CUL4B: variants seen among roughly 807,000 people sequenced by gnomAD.
The protein encoded by CUL4B is cullin 4B, also known as cullin-4B.
Under a neutral mutation model 69.2 loss-of-function variants are expected in CUL4B, and 1 was observed. The observed-to-expected ratio is 0.01, with a 90% CI of 0.01 to 0.07. The LOEUF is 0.07. Among genes scored for constraint, CUL4B ranks in the 10% least tolerant of loss-of-function variants. CUL4B has a pLI of 1.00. For missense variants in CUL4B, 328 were observed against 638.8 expected (o/e 0.51, Z 5.24); for synonymous variants, 237 against 223.2 (o/e 1.06, Z -0.55).
At chrX:120,572,685 T>C (rs1222080836) in intron 2 of CUL4B, among the ~76,000 whole-genome samples, 1 of 111,042 alleles carries the variant, frequency 9.0e-6, no homozygotes, top group Non-Finnish European at 1.9e-5. Flanking sequence ...AGTATAAATT[T>C]TTCTGTGACT....
At chrX:120,563,438 T>C (rs1457107227), upstream of CUL4B, among the ~76,000 whole-genome samples, 3 of 111,255 alleles carry the variant, frequency 2.7e-5, no homozygotes, top group Non-Finnish European at 5.7e-5. Context: ...GGTTTTGCTA[T>C]GTTGGCCAGG....
rs113321588 is a variant in CUL4B, at chrX:120,536,776, CA to C, written c.2046+150del. 226 of 459,029 alleles carry C rather than the reference CA, an allele frequency of 4.9e-4. 1 individual carries two copies. In the African/African-American group the frequency reaches 5.0e-3, roughly 10 times the overall value. The allele number at this position is 459,029 out of a possible 1,213,427, so 37.8% of individuals were successfully genotyped here. Reference sequence around the variant, plus strand: ...TTCGGAAGGCTGAGGCGGGGGGGATCACTTGAGCCCAAGAGTTCAAGACCAG... The same window carrying C: ...TTCGGAAGGCTGAGGCGGGGGGGATCCTTGAGCCCAAGAGTTCAAGACCAG... On this transcript the variant is annotated intron_variant, in intron 15 of 19. Coordinates refer to ENST00000371322, the MANE Select transcript of CUL4B (RefSeq NM_001079872.2).
intron 2 of CUL4B, among the ~76,000 whole-genome samples, chrX:120,557,142 C>A (rs563610680): frequency 9.0e-6 from 1 of 110,981 alleles, no homozygotes; most frequent in African/African-American, 3.3e-5. Flanking sequence ...AACTCCTGAC[C>A]TCAGGTGATC....
rs1922845451 is a variant in CUL4B, at chrX:120,524,129, A to C, written c.*2632T>G. Among the ~76,000 whole-genome samples, 1 of 111,538 alleles carries C rather than the reference A, an allele frequency of 9.0e-6. No individual in the cohort carries two copies. Among genetic ancestry groups the C allele is most frequent in the South Asian group, 3.7e-4 (1 of 2,690 alleles). On this transcript the variant is annotated 3_prime_UTR_variant, in exon 20 of 20. Transcript: ENST00000371322. ...GCAAAAATTTCAAGAGTATGGCTAG[A>C]CATCATATTAAGACCATTCAAGCAG...
At chrX:120,541,423 T>C (rs1239418167) in intron 10 of CUL4B, among the ~76,000 whole-genome samples, 179 bp downstream of exon 10, 3 of 110,342 alleles carry the variant, frequency 2.7e-5, no homozygotes, top group Middle Eastern at 4.2e-3. Context: ...CACTTGAACC[T>C]GGGAGGCAGA....
At chrX:120,562,938 G>A (rs1925381486), upstream of CUL4B, among the ~76,000 whole-genome samples, 1 of 112,246 alleles carries the variant, frequency 8.9e-6, no homozygotes, top group Non-Finnish European at 1.9e-5. Flanking sequence ...AGGATTGTGA[G>A]TGGAGTAAAA....
intron 19 of CUL4B, among the ~76,000 whole-genome samples, chrX:120,528,518 C>G (rs912861430): frequency 1.8e-5 from 2 of 110,180 alleles, no homozygotes; most frequent in East Asian, 5.7e-4. Flanking sequence ...GTCAGGAGTT[C>G]GAGACCAGCC....
chrX:120,530,680 T>C (rs1923257714), intron 18 of CUL4B, among the ~76,000 whole-genome samples: 1 of 112,011 alleles, frequency 8.9e-6, no homozygotes, highest in Admixed American at 9.5e-5. Flanking sequence ...CAAGGCATGG[T>C]ATTAACTGGC....
rs764543744 is a variant in CUL4B at position 120,543,706 on chromosome X, A to T, written c.1256+21T>A. On this transcript the variant is annotated intron_variant, in intron 8 of 19. Transcript: ENST00000371322. The stretch of plus-strand genomic sequence containing the variant: ...ATTTAACGACAGTTTAAGACTATTA[A>T]ATTCAGCATGTGGTACTTACTGGGT... 5.3e-5 allele frequency: 59 copies of T among 1,111,986 alleles called. No individual in the cohort carries two copies. In the South Asian group the frequency reaches 1.0e-3, roughly 20 times the overall value. The allele number at this position is 1,111,986 out of a possible 1,213,427, so 91.6% of individuals were successfully genotyped here.
intron 2 of CUL4B, chrX:120,574,449 C>A: frequency 1.5e-6 from 1 of 665,163 alleles, no homozygotes; most frequent in Non-Finnish European, 2.5e-6. Flanking sequence ...CTGCTCGCCT[C>A]GGCCTCCCAA....
In CUL4B at chrX:120,541,649, G is replaced by T. The variant is rs905353542; in HGVS notation, c.1396C>A (p.Arg466=). ...TGCAAAAGAACCTGAACTCCACCTC[G>T]AACTCTACTGAAGAGCTGATACAGA... ...SLLYQLFSRV[R]GGVQVLLQQW... The change falls in exon 10 of 20, where the codon CGA becomes AGA. Residue 466 remains arginine, a synonymous_variant. Coordinates refer to ENST00000371322, the MANE Select transcript of CUL4B (RefSeq NM_001079872.2). 8.3e-7 allele frequency: 1 copy of T among 1,208,201 alleles called. No individual in the cohort carries two copies. Among genetic ancestry groups the T allele is most frequent in the Admixed American group, 2.2e-5 (1 of 45,973 alleles).
At chrX:120,561,020 T>C (rs761301526), upstream of CUL4B, 136 of 930,594 alleles carry the variant, frequency 1.5e-4, no homozygotes, top group African/African-American at 4.1e-5. Context: ...GAGGCTGTGG[T>C]TGGGGGAAAG....
chrX:120,523,934 C>T lies in CUL4B; in HGVS notation c.*2827G>A, dbSNP rs5957405. Among the ~76,000 whole-genome samples, 14,439 of 111,141 alleles carry T rather than the reference C, an allele frequency of 0.13. 2,251 individuals carry two copies. The highest frequency in any genetic ancestry group is 0.44 in the African/African-American group (13,413 of 30,469). On this transcript the variant is annotated 3_prime_UTR_variant, in exon 20 of 20. Coordinates refer to ENST00000371322, the MANE Select transcript of CUL4B (RefSeq NM_001079872.2). ...TTTATGTAAATAAGAGAATAGAACACGCTCACAACACTCCTGCCATTCACA... is the reference window on the plus strand; with the variant it reads ...TTTATGTAAATAAGAGAATAGAACATGCTCACAACACTCCTGCCATTCACA...
At chrX:120,536,851 T>C in intron 15 of CUL4B, 76 bp downstream of exon 15, 1 of 737,940 alleles carries the variant, frequency 1.4e-6, no homozygotes, top group Non-Finnish European at 2.1e-6. Context: ...TCTAAGTATC[T>C]ATTTTTAAAT....
At position 120,534,601 on chromosome X, in the gene CUL4B, A is replaced by T; in HGVS notation, c.2161-15T>A. 9.2e-7 allele frequency: 1 copy of T among 1,087,380 alleles called. No homozygotes were observed. Among genetic ancestry groups the T allele is most frequent in the Non-Finnish European group, 1.3e-6 (1 of 782,119 alleles). 89.6% of individuals were successfully genotyped at this position (1,087,380 alleles called of 1,213,427 possible). A position where few individuals can be genotyped will look rare whatever the true frequency, so the allele number is the denominator to read the frequency against. The stretch of plus-strand genomic sequence containing the variant: ...TCCTTTTTACCCTGTTGAAGAAATA[A>T]AAGTGTTTAGTCATCACTTTTTTAA... On this transcript the variant is annotated splice_polypyrimidine_tract_variant and intron_variant, in intron 16 of 19. Coordinates refer to ENST00000371322, the MANE Select transcript of CUL4B (RefSeq NM_001079872.2).
At chrX:120,538,243 A>G (rs1282189759) in intron 13 of CUL4B, 34 bp from the exon 14 acceptor site, 1 of 955,216 alleles carries the variant, frequency 1.0e-6, no homozygotes, top group South Asian at 2.1e-5. Flanking sequence ...ATAATATTTT[A>G]AAGTGGTAAA....
At chrX:120,549,462 C>T (rs1924549142) in intron 2 of CUL4B, among the ~76,000 whole-genome samples, 1 of 111,455 alleles carries the variant, frequency 9.0e-6, no homozygotes, top group East Asian at 2.8e-4. Context: ...AGAATCTCAT[C>T]AACCCGGGCG....
intron 2 of CUL4B, among the ~76,000 whole-genome samples, chrX:120,552,418 G>A (rs1344633016): frequency 8.9e-6 from 1 of 112,744 alleles, no homozygotes; most frequent in Non-Finnish European, 1.9e-5. Context: ...AAAGTGTTGG[G>A]ATTTCAGGCG....
chrX:120,537,142 C>A, intron 14 of CUL4B, 108 bp from the exon 15 acceptor site: 2 of 580,150 alleles, frequency 3.4e-6, no homozygotes, highest in Non-Finnish European at 5.8e-6. Context: ...CAAACACTGA[C>A]CATCCTTAAA....
Sources: gnomAD v4.1 joint callset for allele counts (sites outside exome capture counted in the v4.1 genomes callset) on GRCh38, gnomAD v4.1.1 for gene constraint, MANE v1.5 for transcripts, NCBI Gene and HGNC (gene_info 2026-07-23, HGNC 2026-07-21) for gene names.